BMP6: variants seen among roughly 807,000 people sequenced by gnomAD.
BMP6 encodes VG-1-R.
In BMP6, 17 loss-of-function variants were observed where a neutral mutation model predicts 54.1. The ratio of observed to expected loss-of-function variants is 0.31; its 90% CI spans 0.22 to 0.47. The LOEUF (loss-of-function observed/expected upper bound fraction) is 0.47. BMP6 is among the 20% of genes least tolerant of loss of function. The pLI is 1.00. For synonymous variants in BMP6, 328 were observed against 291.2 expected, an observed-to-expected ratio of 1.13 and a Z score of -1.28; for missense variants, 720 against 690.4, an observed-to-expected ratio of 1.04 and a Z score of -0.48.
chr6:7,732,379 A>T (rs1303145909), intron 1 of BMP6, among the ~76,000 whole-genome samples: 3 of 152,354 alleles, frequency 2.0e-5, no homozygotes, highest in South Asian at 2.1e-4. Context: ...GGGCAAGCAG[A>T]TACTATTGTT....
intron 1 of BMP6, among the ~76,000 whole-genome samples, chr6:7,795,986 G>T (rs1176757484): frequency 1.3e-5 from 2 of 152,168 alleles, no homozygotes; most frequent in African/African-American, 4.8e-5. Flanking sequence ...CAAGTACGCA[G>T]TTGGAGTCAA....
intron 1 of BMP6, among the ~76,000 whole-genome samples, chr6:7,747,287 G>A (rs534856816): frequency 6.6e-6 from 1 of 152,328 alleles, no homozygotes; most frequent in African/African-American, 2.4e-5. Flanking sequence ...CTGAGCAGCT[G>A]GCCTTAAAAT....
In BMP6 at chr6:7,863,372, T is replaced by C. The variant is rs571463433; in HGVS notation, c.1204+874T>C. ...CAGGAATCTCTCTCTTTTTCTGTTTTTCTATTTTTCTTTGTTGGTGGAATT... is the reference window on the plus strand; with the variant it reads ...CAGGAATCTCTCTCTTTTTCTGTTTCTCTATTTTTCTTTGTTGGTGGAATT... On this transcript the variant is annotated intron_variant, in intron 4 of 6. Transcript: ENST00000283147. 1.3e-5 allele frequency among the ~76,000 whole-genome samples: 2 copies of C among 152,326 alleles called. 1 individual carries two copies. Among genetic ancestry groups the C allele is most frequent in the African/African-American group, 4.8e-5 (2 of 41,556 alleles).
At chr6:7,795,329 A>G (rs750785390) in intron 1 of BMP6, among the ~76,000 whole-genome samples, 2 of 152,204 alleles carry the variant, frequency 1.3e-5, no homozygotes, top group African/African-American at 4.8e-5. Flanking sequence ...TTTGAAGGAC[A>G]GAGTCAAGTC....
intron 1 of BMP6, among the ~76,000 whole-genome samples, chr6:7,762,134 C>T (rs1757622854): frequency 1.3e-5 from 2 of 152,104 alleles, no homozygotes; most frequent in Non-Finnish European, 2.9e-5. Context: ...GGTGGCCAGG[C>T]TGGTCTCGAA....
intron 1 of BMP6, among the ~76,000 whole-genome samples, chr6:7,751,937 A>G (rs911148587): frequency 7.9e-5 from 12 of 152,352 alleles, no homozygotes; most frequent in African/African-American, 2.6e-4. Flanking sequence ...CTTCAGCACA[A>G]TTCTAAGCTG....
intron 1 of BMP6, among the ~76,000 whole-genome samples, chr6:7,738,974 C>T (rs188788784): frequency 3.9e-5 from 6 of 152,292 alleles, no homozygotes; most frequent in Non-Finnish European, 8.8e-5. Flanking sequence ...ATGGAATTTG[C>T]TGAAGATCCT....
intron 1 of BMP6, among the ~76,000 whole-genome samples, chr6:7,812,484 G>C (rs1758449686): frequency 6.6e-6 from 1 of 152,108 alleles, no homozygotes; most frequent in African/African-American, 2.4e-5. Context: ...TAATGTACAT[G>C]TACACATGTA....
intron 1 of BMP6, among the ~76,000 whole-genome samples, chr6:7,804,890 ATT>A (rs56264906): frequency 7.3e-5 from 11 of 150,606 alleles, no homozygotes; most frequent in Admixed American, 2.6e-4. Context: ...TCTACAACTG[ATT>A]TTTTTTTTTC....
At chr6:7,851,252 G>A (rs1166279831) in intron 2 of BMP6, among the ~76,000 whole-genome samples, 1 of 152,230 alleles carries the variant, frequency 6.6e-6, no homozygotes. Flanking sequence ...GTTCAAGAAA[G>A]TGGTATTTAC....
At chr6:7,879,788 C>T (rs1730006309) in intron 5 of BMP6, among the ~76,000 whole-genome samples, 1 of 152,168 alleles carries the variant, frequency 6.6e-6, no homozygotes, top group African/African-American at 2.4e-5. Context: ...CTGCAAGGAG[C>T]GAGGGTTCTG....
chr6:7,738,074 A>G (rs1047483907), intron 1 of BMP6, among the ~76,000 whole-genome samples: 2 of 152,068 alleles, frequency 1.3e-5, no homozygotes, highest in African/African-American at 2.4e-5. Context: ...GCATTTTTCA[A>G]AAAGTTACTA....
chr6:7,748,176 G>A (rs189810751), intron 1 of BMP6, among the ~76,000 whole-genome samples: 1 of 152,240 alleles, frequency 6.6e-6, no homozygotes, highest in Non-Finnish European at 1.5e-5. Flanking sequence ...TTGGTTTTCG[G>A]TGAGTTTTCC....
intron 4 of BMP6, among the ~76,000 whole-genome samples, chr6:7,866,614 G>A (rs760037083): frequency 6.6e-6 from 1 of 152,222 alleles, no homozygotes; most frequent in Non-Finnish European, 1.5e-5. Context: ...GCAATTTCAG[G>A]TCAGCTGGTA....
At chr6:7,789,824 C>T (rs1269314318) in intron 1 of BMP6, among the ~76,000 whole-genome samples, 2 of 152,170 alleles carry the variant, frequency 1.3e-5, no homozygotes, top group East Asian at 1.9e-4. Context: ...CCTCTGATAC[C>T]CCTTGCCAGC....
Position 7,862,482 on chromosome 6 carries a change from G to T in BMP6, c.1188G>T (p.Arg396=), listed in dbSNP as rs201606023. The change falls in exon 4 of 7, where the codon CGG becomes CGT. Residue 396 remains arginine (R), a synonymous_variant. Transcript: ENST00000283147. ...NRSTQSQDVA[R]VSSASDYNSS... ...CTACCCAGTCCCAGGACGTGGCGCGGGTCTCCAGTGCTTCAGGTGGGTTTG... is the reference window on the plus strand; with the variant it reads ...CTACCCAGTCCCAGGACGTGGCGCGTGTCTCCAGTGCTTCAGGTGGGTTTG... The T allele has an allele frequency of 1.3e-4, 216 of 1,614,002 alleles. 2 individuals are homozygous for T. The Middle Eastern group carries it at 4.3e-3, about 32-fold the overall frequency.
chr6:7,866,768 T>C (rs557660843), intron 4 of BMP6, among the ~76,000 whole-genome samples: 1 of 152,366 alleles, frequency 6.6e-6, no homozygotes, highest in East Asian at 1.9e-4. Context: ...ATGTTGTCAC[T>C]ACCCAGCTCT....
intron 2 of BMP6, among the ~76,000 whole-genome samples, chr6:7,859,766 A>G (rs1459124519): frequency 3.3e-5 from 5 of 152,102 alleles, no homozygotes; most frequent in African/African-American, 1.2e-4. Flanking sequence ...CACATCAGAG[A>G]GAGCTTTCAA....
chr6:7,745,928 A>T (rs940655178), intron 1 of BMP6, among the ~76,000 whole-genome samples: 5 of 152,248 alleles, frequency 3.3e-5, no homozygotes, highest in African/African-American at 1.2e-4. Context: ...AGATTGCGTC[A>T]CTACATTCCA....
Sources: gnomAD v4.1 joint callset for allele counts (sites outside exome capture counted in the v4.1 genomes callset) on GRCh38, gnomAD v4.1.1 for gene constraint, MANE v1.5 for transcripts, NCBI Gene and HGNC (gene_info 2026-07-23, HGNC 2026-07-21) for gene names.